PCDH9: variants seen among roughly 807,000 people sequenced by gnomAD.
PCDH9 encodes the protein protocadherin 9.
A neutral mutation model predicts 70.6 loss-of-function variants in PCDH9; 24 were observed. That is an observed-to-expected ratio of 0.34 (90% CI 0.25 to 0.48). The LOEUF (loss-of-function observed/expected upper bound fraction) is 0.48, where lower values mean the gene tolerates loss of function less well. PCDH9 is among the 20% of genes least tolerant of loss of function. The pLI is 0.99. For synonymous variants in PCDH9, 562 were observed against 558.5 expected (o/e 1.01, Z -0.09); for missense variants, 1,281 against 1,503.6 (o/e 0.85, Z 2.45).
chr13:66,391,681 G>A (rs1957020854), intron 4 of PCDH9, among the ~76,000 whole-genome samples: 1 of 151,950 alleles, frequency 6.6e-6, no homozygotes. Flanking sequence ...ACAACTTGAA[G>A]GTAGCTTATA....
chr13:67,169,018 G>A (rs17519229), intron 2 of PCDH9, among the ~76,000 whole-genome samples: 5,223 of 152,220 alleles, frequency 0.034, 245 homozygotes, highest in Admixed American at 0.14. Context: ...TATGCTTTAT[G>A]TACTCTTCTC....
At chr13:67,078,817 T>C (rs2138177642) in intron 2 of PCDH9, among the ~76,000 whole-genome samples, 1 of 152,316 alleles carries the variant, frequency 6.6e-6, no homozygotes, top group East Asian at 1.9e-4. Context: ...TTAAATTCTT[T>C]AAATAAAGTA....
intron 4 of PCDH9, among the ~76,000 whole-genome samples, chr13:66,310,976 C>T (rs2138063444): frequency 6.6e-6 from 1 of 152,176 alleles, no homozygotes; most frequent in East Asian, 1.9e-4. Flanking sequence ...TTTGTGCTAT[C>T]ATGAGTGTCT....
At chr13:66,328,370 T>C (rs1955881690) in intron 4 of PCDH9, among the ~76,000 whole-genome samples, 1 of 151,976 alleles carries the variant, frequency 6.6e-6, no homozygotes, top group South Asian at 2.1e-4. Flanking sequence ...AGAAGAAAAA[T>C]AGGAAAGTAA....
At chr13:66,845,119 C>T (rs1280647110) in intron 3 of PCDH9, among the ~76,000 whole-genome samples, 1 of 152,138 alleles carries the variant, frequency 6.6e-6, no homozygotes, top group Non-Finnish European at 1.5e-5. Context: ...CTTCAAGCCG[C>T]CCTGGCTTGA....
At chr13:66,856,960 C>A (rs1044714950) in intron 3 of PCDH9, among the ~76,000 whole-genome samples, 1 of 151,994 alleles carries the variant, frequency 6.6e-6, no homozygotes, top group African/African-American at 2.4e-5. Context: ...AAAATAAAGT[C>A]TTTCTCTTCA....
At chr13:66,309,765 A>C (rs1237840085) in intron 4 of PCDH9, among the ~76,000 whole-genome samples, 4 of 151,700 alleles carry the variant, frequency 2.6e-5, no homozygotes, top group African/African-American at 9.7e-5. Flanking sequence ...GTATCATTGT[A>C]CTGGATTCTT....
chr13:66,357,208 G>T (rs1956398724), intron 4 of PCDH9, among the ~76,000 whole-genome samples: 1 of 151,940 alleles, frequency 6.6e-6, no homozygotes. Context: ...CACCAAGGTG[G>T]GCCTTGGTGA....
At chr13:66,779,873 A>ATATATATG (rs375882917) in intron 3 of PCDH9, among the ~76,000 whole-genome samples, 1 of 115,876 alleles carries the variant, frequency 8.6e-6, no homozygotes, top group East Asian at 2.4e-4. Flanking sequence ...ATATACATAT[A>ATATATATG]TGTGTGTGTG....
intron 3 of PCDH9, among the ~76,000 whole-genome samples, chr13:66,847,629 G>A (rs1011299555): frequency 1.3e-5 from 2 of 152,158 alleles, no homozygotes; most frequent in Non-Finnish European, 2.9e-5. Context: ...TTAAAAGGAA[G>A]CATTTTATGA....
chr13:67,223,382 A>C (rs2089776698), intron 2 of PCDH9: 1 of 152,180 alleles, frequency 6.6e-6, no homozygotes, highest in Non-Finnish European at 1.5e-5. Flanking sequence ...AGACAGAAAA[A>C]AAGATGATGC....
At chr13:66,513,912 A>G (rs1360953460) in intron 4 of PCDH9, among the ~76,000 whole-genome samples, 4 of 152,046 alleles carry the variant, frequency 2.6e-5, no homozygotes, top group African/African-American at 9.7e-5. Context: ...TTAAGAACTC[A>G]GTTTCAGAAA....
intron 4 of PCDH9, among the ~76,000 whole-genome samples, chr13:66,409,247 A>C (rs759495059): frequency 1.3e-5 from 2 of 152,240 alleles, no homozygotes; most frequent in African/African-American, 2.4e-5. Flanking sequence ...ATGTCAATAG[A>C]AAAACATGTT....
chr13:66,960,795 T>C (rs1162694134), intron 2 of PCDH9, among the ~76,000 whole-genome samples: 6 of 152,200 alleles, frequency 3.9e-5, no homozygotes, highest in Non-Finnish European at 5.9e-5. Context: ...CTCATGTTAG[T>C]AACACTCAAT....
At chr13:66,832,396 C>G (rs1045701746) in intron 3 of PCDH9, among the ~76,000 whole-genome samples, 2 of 151,888 alleles carry the variant, frequency 1.3e-5, no homozygotes, top group African/African-American at 4.8e-5. Context: ...ACGTTTTTCC[C>G]TACATTTTAT....
chr13:67,110,969 A>T (rs1386370021), intron 2 of PCDH9, among the ~76,000 whole-genome samples: 1 of 152,220 alleles, frequency 6.6e-6, no homozygotes, highest in Non-Finnish European at 1.5e-5. Flanking sequence ...CCATAAGGCC[A>T]ATGCCTTCTA....
intron 4 of PCDH9, among the ~76,000 whole-genome samples, chr13:66,556,416 T>C (rs1405447638): frequency 6.6e-6 from 1 of 152,072 alleles, no homozygotes; most frequent in African/African-American, 2.4e-5. Context: ...TCATCTCAGC[T>C]GAGAAAAAGA....
At chr13:66,712,636 A>G (rs9564335) in intron 3 of PCDH9, among the ~76,000 whole-genome samples, 12,326 of 152,246 alleles carry the variant, frequency 0.081, 600 homozygotes, top group Middle Eastern at 0.14. Flanking sequence ...TTCCTCTCCA[A>G]TTGAATTGTT....
intron 4 of PCDH9, among the ~76,000 whole-genome samples, chr13:66,314,986 A>C (rs1369279979): frequency 6.6e-6 from 1 of 152,214 alleles, no homozygotes. Flanking sequence ...CTTTATAAGC[A>C]GAGTGTTTTC....
Sources: allele counts gnomAD v4.1 joint callset (sites outside exome capture counted in the v4.1 genomes callset), GRCh38; gene constraint gnomAD v4.1.1; transcripts MANE v1.5; gene names NCBI Gene and HGNC (gene_info 2026-07-23, HGNC 2026-07-21).